Variants in FBXO11 observed in about 807,000 individuals in gnomAD.
FBXO11 encodes the protein F-box protein 11, also known as F-box only protein 11.
FBXO11 carries 13 observed loss-of-function variants against 117.0 expected under a neutral mutation model. The observed-to-expected ratio is 0.11, with a 90% confidence interval of 0.07 to 0.18. The LOEUF (loss-of-function observed/expected upper bound fraction) is 0.18, where lower values mean the gene tolerates loss of function less well. FBXO11 is among the 10% of genes least tolerant of loss of function. FBXO11 has a pLI of 1.00. For missense variants in FBXO11, 767 were observed against 1,164.4 expected (o/e 0.66, Z 4.97); for synonymous variants, 490 against 380.5 (o/e 1.29, Z -3.35).
chr2:47,812,628 T>C (rs1670704046), intron 18 of FBXO11, among the ~76,000 whole-genome samples: 1 of 152,238 alleles, frequency 6.6e-6, no homozygotes, highest in Admixed American at 6.5e-5. Flanking sequence ...TAACTAGCTA[T>C]TCTATGTAAG....
In FBXO11 at chr2:47,808,409, G is replaced by A. The variant is rs1249158667; in HGVS notation, c.2574C>T (p.Thr858=). Residue 858 remains threonine, a synonymous_variant, in exon 22 of 23, where the codon ACC becomes ACT. Transcript: ENST00000403359. The part of the protein sequence containing the change: ...HDFYRCHTCN[T]TDRNAICVNC... ...TCACACATATGGCATTTCGATCTGT[G>A]GTGTTACAAGTATGACATCTAAAAA... 2 of 1,598,136 alleles carry A rather than the reference G, an allele frequency of 1.3e-6. No individual in the cohort carries two copies. The highest frequency in any genetic ancestry group is 1.3e-5 in the African/African-American group (1 of 74,182).
chr2:47,829,382 A>G (rs958765068), intron 11 of FBXO11, among the ~76,000 whole-genome samples: 5 of 151,838 alleles, frequency 3.3e-5, no homozygotes, highest in African/African-American at 4.8e-5. Context: ...CTGGGACTTG[A>G]GGCGTGCACC....
At chr2:47,813,068 G>T in intron 18 of FBXO11, 166 bp downstream of exon 18, 1 of 705,948 alleles carries the variant, frequency 1.4e-6, no homozygotes, top group Non-Finnish European at 2.5e-6. Flanking sequence ...GTAAACATTT[G>T]TCTCTTAACT....
intron 16 of FBXO11, among the ~76,000 whole-genome samples, chr2:47,817,304 T>G (rs1671073133): frequency 6.6e-6 from 1 of 152,222 alleles, no homozygotes. Flanking sequence ...GATTAGGAAT[T>G]GGCTTAAGGG....
chr2:47,897,701 C>CAAAAAAAAAAA (rs60982405), intron 1 of FBXO11, among the ~76,000 whole-genome samples: 1 of 103,142 alleles, frequency 9.7e-6, no homozygotes, highest in Non-Finnish European at 1.8e-5. Context: ...TGTCTTAAAC[C>CAAAAAAAAAAA]AAAAAAAAAA....
At chr2:47,841,122 C>G (rs906087393) in intron 1 of FBXO11, among the ~76,000 whole-genome samples, 3 of 151,700 alleles carry the variant, frequency 2.0e-5, no homozygotes, top group African/African-American at 7.3e-5. Flanking sequence ...GGTGTGAACC[C>G]GGGAGGCAGA....
chr2:47,877,045 T>G (rs937716724), intron 1 of FBXO11, among the ~76,000 whole-genome samples: 1 of 152,018 alleles, frequency 6.6e-6, no homozygotes, highest in Non-Finnish European at 1.5e-5. Flanking sequence ...ATACAGGGTT[T>G]TTTTTTTTTG....
chr2:47,827,775 CA>C (rs1167803885), intron 11 of FBXO11, among the ~76,000 whole-genome samples: 1 of 151,408 alleles, frequency 6.6e-6, no homozygotes, highest in Non-Finnish European at 1.5e-5. Flanking sequence ...TGGTTCATTG[CA>C]ACCTCCAAAT....
intron 1 of FBXO11, among the ~76,000 whole-genome samples, chr2:47,851,257 C>T (rs1160657893): frequency 1.3e-5 from 2 of 152,138 alleles, no homozygotes; most frequent in Non-Finnish European, 2.9e-5. Flanking sequence ...GACAGAGTCT[C>T]ATTCTGTTGC....
At chr2:47,890,001 A>C (rs1572912341) in intron 1 of FBXO11, among the ~76,000 whole-genome samples, 1 of 152,366 alleles carries the variant, frequency 6.6e-6, no homozygotes, top group South Asian at 2.1e-4. Flanking sequence ...CTTATCCTGG[A>C]AAGAAAGAAT....
At chr2:47,843,918 T>G (rs1174200421) in intron 1 of FBXO11, among the ~76,000 whole-genome samples, 1 of 152,122 alleles carries the variant, frequency 6.6e-6, no homozygotes, top group Non-Finnish European at 1.5e-5. Context: ...TTTTTGTATT[T>G]TTAATAGAGA....
chr2:47,898,014 G>T (rs916315020), intron 1 of FBXO11, among the ~76,000 whole-genome samples: 15 of 152,242 alleles, frequency 9.9e-5, no homozygotes, highest in African/African-American at 3.4e-4. Flanking sequence ...CCACATGGAA[G>T]AAAACAATTT....
intron 11 of FBXO11, among the ~76,000 whole-genome samples, chr2:47,824,828 A>G (rs1671630951): frequency 6.6e-6 from 1 of 152,228 alleles, no homozygotes; most frequent in South Asian, 2.1e-4. Context: ...GGAAGTTACC[A>G]TAATTCTGAT....
At chr2:47,885,337 T>C (rs1294226807) in intron 1 of FBXO11, among the ~76,000 whole-genome samples, 1 of 152,190 alleles carries the variant, frequency 6.6e-6, no homozygotes, top group African/African-American at 2.4e-5. Flanking sequence ...CTCACGCCTG[T>C]AATCCCAGCA....
intron 14 of FBXO11, among the ~76,000 whole-genome samples, chr2:47,819,474 A>T (rs868782972): frequency 6.6e-6 from 1 of 152,166 alleles, no homozygotes; most frequent in Admixed American, 6.5e-5. Context: ...TTGGCCTCCC[A>T]AAGTGCTGGG....
chr2:47,884,195 G>C (rs1676645770), intron 1 of FBXO11, among the ~76,000 whole-genome samples: 4 of 152,110 alleles, frequency 2.6e-5, no homozygotes, highest in Admixed American at 2.6e-4. Context: ...CTCCAGCCTG[G>C]GTGACAGAGC....
At chr2:47,862,585 A>G (rs1674861393) in intron 1 of FBXO11, among the ~76,000 whole-genome samples, 1 of 152,208 alleles carries the variant, frequency 6.6e-6, no homozygotes, top group Non-Finnish European at 1.5e-5. Flanking sequence ...ACGCTTGGCT[A>G]AAAGGGCAAA....
intron 11 of FBXO11, among the ~76,000 whole-genome samples, chr2:47,824,457 A>G (rs1056576567): frequency 6.6e-6 from 1 of 152,016 alleles, no homozygotes; most frequent in African/African-American, 2.4e-5. Flanking sequence ...ACACCATCGC[A>G]CTCCAGCCTG....
At chr2:47,857,374 G>A (rs1031498866) in intron 1 of FBXO11, among the ~76,000 whole-genome samples, 5 of 152,062 alleles carry the variant, frequency 3.3e-5, no homozygotes, top group Middle Eastern at 3.4e-3. Context: ...TCCTGCCTCA[G>A]CCTCCCAAAG....
Sources: gnomAD v4.1 joint callset for allele counts (sites outside exome capture counted in the v4.1 genomes callset) on GRCh38, gnomAD v4.1.1 for gene constraint, MANE v1.5 for transcripts, NCBI Gene and HGNC (gene_info 2026-07-23, HGNC 2026-07-21) for gene names.